The following DEPDC1B variants were observed in gnomAD, a reference collection of about 807,000 sequenced individuals.
DEPDC1B encodes the protein DEP domain-containing protein 1B.
DEPDC1B carries 51 observed loss-of-function variants against 66.5 expected under a neutral mutation model. The ratio of observed to expected loss-of-function variants is 0.77; its 90% CI spans 0.61 to 0.97. DEPDC1B has a LOEUF of 0.97. Among genes scored for constraint, DEPDC1B ranks in the 50% least tolerant of loss-of-function variants. The pLI is 0.00. For missense variants in DEPDC1B, 552 were observed against 637.1 expected (o/e 0.87, Z 1.44); for synonymous variants, 226 against 223.6 (o/e 1.01, Z -0.10).
Position 60,645,477 on chromosome 5 carries a change from A to G in DEPDC1B, c.578+15T>C, listed in dbSNP as rs1288817986. ...AATATCTCTAAAATTTCTCATTAAT[A>G]TCAAATGTACATACTATGATAATGT... On this transcript the variant is annotated intron_variant, in intron 4 of 10. Coordinates refer to ENST00000265036, the MANE Select transcript of DEPDC1B (RefSeq NM_018369.3). The G allele has an allele frequency of 2.5e-6, 4 of 1,574,212 alleles. No homozygotes were observed. The East Asian group carries it at 6.9e-5, about 27-fold the overall frequency.
chr5:60,651,784 G>A (rs1161390905), intron 2 of DEPDC1B, among the ~76,000 whole-genome samples: 1 of 152,128 alleles, frequency 6.6e-6, no homozygotes, highest in Non-Finnish European at 1.5e-5. Context: ...TTGCACAGTG[G>A]CATAAATTTC....
chr5:60,696,525 A>G (rs759689741), intron 1 of DEPDC1B, among the ~76,000 whole-genome samples: 33 of 152,344 alleles, frequency 2.2e-4, no homozygotes, highest in South Asian at 1.5e-3. Flanking sequence ...AAGAAAAATA[A>G]GTATCTTTAA....
chr5:60,636,073 C>G (rs959293701), intron 7 of DEPDC1B, among the ~76,000 whole-genome samples: 5 of 152,092 alleles, frequency 3.3e-5, no homozygotes, highest in African/African-American at 1.2e-4. Context: ...TCTCAACAGA[C>G]TCTAGGTTGG....
chr5:60,618,820 G>A (rs1415320713), intron 7 of DEPDC1B, among the ~76,000 whole-genome samples: 1 of 152,108 alleles, frequency 6.6e-6, no homozygotes, highest in Non-Finnish European at 1.5e-5. Flanking sequence ...CCAAAGCCTG[G>A]CAGAGACACA....
In DEPDC1B at chr5:60,638,835, G is replaced by T; in HGVS notation, c.813C>A (p.Val271=). The T allele has an allele frequency of 6.2e-7, 1 of 1,613,240 alleles. No homozygotes were observed. Among genetic ancestry groups the T allele is most frequent in the Non-Finnish European group, 8.5e-7 (1 of 1,179,620 alleles). Residue 271 remains valine (V), a synonymous_variant, in exon 7 of 11, where the codon GTC becomes GTA. Coordinates refer to ENST00000265036, the MANE Select transcript of DEPDC1B (RefSeq NM_018369.3). ...CATAGTAATCAGCTATGGTTTTAAA[G>T]ACATCTTTTTCAAATCCCAAGTACA... is the stretch of plus-strand genomic sequence containing the variant. ...QPMYLGFEKD[V]FKTIADYYGH...
chr5:60,663,625 T>C (rs1399562192), intron 2 of DEPDC1B, among the ~76,000 whole-genome samples: 1 of 152,206 alleles, frequency 6.6e-6, no homozygotes, highest in Non-Finnish European at 1.5e-5. Flanking sequence ...CTGGACTGTT[T>C]TACCCCACAG....
At chr5:60,686,898 G>T in intron 2 of DEPDC1B, 64 bp downstream of exon 2, 1 of 1,585,012 alleles carries the variant, frequency 6.3e-7, no homozygotes, top group South Asian at 1.2e-5. Context: ...AGCTTCAACA[G>T]ACTTGGACCA....
At chr5:60,650,439 T>A (rs960550207) in intron 2 of DEPDC1B, among the ~76,000 whole-genome samples, 2 of 152,150 alleles carry the variant, frequency 1.3e-5, no homozygotes, top group African/African-American at 2.4e-5. Flanking sequence ...TGCTGCTAAG[T>A]GCAAAGCATC....
chr5:60,645,046 T>C (rs1430500918), intron 4 of DEPDC1B, among the ~76,000 whole-genome samples, 171 bp from the exon 5 acceptor site: 1 of 152,218 alleles, frequency 6.6e-6, no homozygotes, highest in Non-Finnish European at 1.5e-5. Flanking sequence ...ATGTAAAAGA[T>C]ATCCTTTTGC....
At chr5:60,604,708 CACAG>C (rs1373156622) in intron 8 of DEPDC1B, among the ~76,000 whole-genome samples, 1 of 152,186 alleles carries the variant, frequency 6.6e-6, no homozygotes, top group East Asian at 1.9e-4. Flanking sequence ...CAGAGAGACA[CACAG>C]GCAGAGAATT....
At chr5:60,687,352 T>C (rs1049278806) in intron 1 of DEPDC1B, 125 bp from the exon 2 acceptor site, 2 of 1,192,166 alleles carry the variant, frequency 1.7e-6, no homozygotes, top group Admixed American at 2.5e-5. Flanking sequence ...AGGTAGAGCC[T>C]TGAAAATGTT....
At chr5:60,651,540 C>CAAA (rs774242933) in intron 2 of DEPDC1B, among the ~76,000 whole-genome samples, 26 of 144,180 alleles carry the variant, frequency 1.8e-4, no homozygotes, top group South Asian at 1.5e-3. Flanking sequence ...AAAAAAAAAA[C>CAAA]AAAAAAAACA....
intron 2 of DEPDC1B, among the ~76,000 whole-genome samples, chr5:60,649,471 T>C (rs892425117): frequency 6.7e-6 from 1 of 149,482 alleles, no homozygotes; most frequent in Non-Finnish European, 1.5e-5. Flanking sequence ...GTCTGACAAC[T>C]TTGTCTGAGA....
chr5:60,606,609 C>CAAAAA (rs60544270), intron 7 of DEPDC1B, among the ~76,000 whole-genome samples: 6 of 46,582 alleles, frequency 1.3e-4, no homozygotes, highest in East Asian at 7.5e-4. Context: ...CCCATTTCTA[C>CAAAAA]AAAAAAAAAA....
intron 7 of DEPDC1B, among the ~76,000 whole-genome samples, chr5:60,634,395 G>A (rs1270636784): frequency 3.3e-5 from 5 of 152,098 alleles, no homozygotes; most frequent in Non-Finnish European, 5.9e-5. Flanking sequence ...CAAATAGGCC[G>A]GGCACAGTGG....
In DEPDC1B at chr5:60,631,358, C is replaced by T. The variant is rs1038470954; in HGVS notation, c.898+7392G>A. ...TGTAACGACGAAGACTCATCAGCTG[C>T]TCCTGAGGATCTTCTCAGCAGAAAT... is the stretch of plus-strand genomic sequence containing the variant. On this transcript the variant is annotated intron_variant, in intron 7 of 10. Coordinates refer to ENST00000265036, the MANE Select transcript of DEPDC1B (RefSeq NM_018369.3). 3.9e-5 allele frequency among the ~76,000 whole-genome samples: 6 copies of T among 152,224 alleles called. 1 individual carries two copies. In the East Asian group the frequency reaches 1.2e-3, roughly 29 times the overall value.
intron 7 of DEPDC1B, among the ~76,000 whole-genome samples, chr5:60,612,548 AGAAT>A (rs1752437015): frequency 7.4e-5 from 11 of 149,022 alleles, no homozygotes; most frequent in African/African-American, 1.5e-4. Flanking sequence ...AAAAAAAAAA[AGAAT>A]AGTAAGTAAT....
intron 7 of DEPDC1B, among the ~76,000 whole-genome samples, chr5:60,625,474 C>T (rs1752791372): frequency 6.6e-6 from 1 of 152,110 alleles, no homozygotes. Flanking sequence ...AAGCAAGTAA[C>T]AGGTCCCACA....
intron 2 of DEPDC1B, among the ~76,000 whole-genome samples, chr5:60,684,306 A>C (rs1561392023): frequency 6.6e-6 from 1 of 152,222 alleles, no homozygotes; most frequent in Admixed American, 6.5e-5. Context: ...ATCCCAAGCC[A>C]AAAGAACAAA....
Sources: allele counts gnomAD v4.1 joint callset (sites outside exome capture counted in the v4.1 genomes callset), GRCh38; gene constraint gnomAD v4.1.1; transcripts MANE v1.5; gene names NCBI Gene and HGNC (gene_info 2026-07-23, HGNC 2026-07-21).